Variants in MYBPC3 observed in about 807,000 individuals in gnomAD.
MYBPC3 encodes the protein myosin binding protein C3.
MYBPC3 carries 108 observed loss-of-function variants against 159.3 expected under a neutral mutation model. The observed-to-expected ratio is 0.68, with a 90% CI of 0.58 to 0.80. The LOEUF (loss-of-function observed/expected upper bound fraction) is 0.80, where lower values mean the gene tolerates loss of function less well. Among genes scored for constraint, MYBPC3 ranks in the 30% least tolerant of loss-of-function variants. The pLI is 0.00. For synonymous variants in MYBPC3, 730 were observed against 702.0 expected (o/e 1.04, Z -0.63); for missense variants, 1,631 against 1,762.1 (o/e 0.93, Z 1.33).
At chr11:47,341,841 T>C in intron 18 of MYBPC3, 150 bp downstream of exon 18, 1 of 1,058,468 alleles carries the variant, frequency 9.4e-7, no homozygotes. Context: ...TCTCCCTCTC[T>C]GTGGGTCTCT....
In MYBPC3 at chr11:47,352,477, G is replaced by A. The variant is rs561395961; in HGVS notation, c.25+146C>T. 1.2e-4 allele frequency: 113 copies of A among 981,890 alleles called. No homozygotes were observed. In the East Asian group the frequency reaches 3.2e-3, roughly 28 times the overall value. 60.8% of individuals were successfully genotyped at this position (981,890 alleles called of 1,614,324 possible). ...AAAAAGAAACCGAGAATCAAAAAAG[G>A]ACCCTGGAGGACTGGCTGCCCCTGT... On this transcript the variant is annotated intron_variant, in intron 1 of 34. Transcript: ENST00000545968.
Position 47,332,898 on chromosome 11 carries a change from A to G in MYBPC3, c.3406T>C (p.Tyr1136His). The G allele has an allele frequency of 6.2e-7, 1 of 1,609,092 alleles. No homozygotes were observed. The highest frequency in any genetic ancestry group is 8.5e-7 in the Non-Finnish European group (1 of 1,178,006). The change falls in exon 31 of 35, where the codon TAC (tyrosine) becomes CAC (histidine). Residue 1136 changes from tyrosine to histidine, a missense_variant. Physicochemically the swap from Tyr to His is moderately conservative, Grantham distance 83. Transcript: ENST00000545968. This position sits in a 1 kb window ranked among gnomAD's most constrained non-coding sequence, Gnocchi z 4.2. Reference protein sequence around the residue: ...VPELIIGNGYYFRVFSQNMVG... With the variant: ...VPELIIGNGYHFRVFSQNMVG... Reference sequence around the variant, plus strand: ...ATATTCTGGCTGAAGACGCGGAAGTAGTAGCCATTGCCAATGATGAGCTCT... The same window carrying G: ...ATATTCTGGCTGAAGACGCGGAAGTGGTAGCCATTGCCAATGATGAGCTCT...
At position 47,348,447 on chromosome 11, in the gene MYBPC3, G is replaced by T; in HGVS notation, c.749C>A (p.Ser250Tyr). 1 of 1,612,824 alleles carries T rather than the reference G, an allele frequency of 6.2e-7. No homozygotes were observed. ...EVSTKDKFDC[S>Y]NFNLTVHEAM... ...ACCGTGGACAGTGAGATTGAAGTTG[G>T]AGCAGTCAAATTTGTCCTTGGTGGA... Residue 250 changes from serine (S) to tyrosine (Y), a missense_variant, in exon 6 of 35, where the codon TCC (serine) becomes TAC (tyrosine). Coordinates refer to ENST00000545968, the MANE Select transcript of MYBPC3 (RefSeq NM_000256.3).
chr11:47,342,671 G>T lies in MYBPC3; in HGVS notation c.1531C>A (p.His511Asn), dbSNP rs2095889971. Residue 511 changes from histidine (H) to asparagine (N), a missense_variant, in exon 17 of 35, where the codon CAC (histidine) becomes AAC (asparagine). His to Asn is a moderately conservative substitution (Grantham distance 68, BLOSUM62 1). Transcript: ENST00000545968. ...AGCATGGCCTCGTTGATGATCAGGT[G>T]GTGTCTCTGCCCGTCCTTCTTGAAC... The part of the protein sequence containing the change: ...YRFKKDGQRH[H>N]LIINEAMLED... 6.2e-7 allele frequency: 1 copy of T among 1,614,030 alleles called. No individual in the cohort carries two copies. The highest frequency in any genetic ancestry group is 8.5e-7 in the Non-Finnish European group (1 of 1,179,890).
Position 47,351,189 on chromosome 11 carries a change from G to A in MYBPC3, c.292+50C>T. 2 of 1,449,120 alleles carry A rather than the reference G, an allele frequency of 1.4e-6. No homozygotes were observed. Among genetic ancestry groups the A allele is most frequent in the African/African-American group, 1.4e-5 (1 of 70,636 alleles). 89.8% of individuals were successfully genotyped at this position (1,449,120 alleles called of 1,614,324 possible). The stretch of plus-strand genomic sequence containing the variant: ...TGGATGGATGGAGAGTCGCTGGGCT[G>A]CCCCTCCCCCAGCAGCCCAAACCTC... On this transcript the variant is annotated intron_variant, in intron 2 of 34. Transcript: ENST00000545968. The surrounding 1 kb of genome is among the most constrained non-coding windows in gnomAD (Gnocchi z 4.2).
At chr11:47,336,725 G>A (rs531591309) in intron 25 of MYBPC3, among the ~76,000 whole-genome samples, 3 of 152,152 alleles carry the variant, frequency 2.0e-5, no homozygotes, top group Non-Finnish European at 2.9e-5. Flanking sequence ...AGCTGCCCCC[G>A]GACTCACCCA....
chr11:47,332,182 A>G lies in MYBPC3; in HGVS notation c.3704T>C (p.Val1235Ala), dbSNP rs2095877788. ...ARFRMFSKQG[V>A]LTLEIRKPCP... ...GGGCTTTCTAATCTCCAGAGTCAAC[A>G]CTCCCTGCTTGCTGAACATGCGGAA... The change falls in exon 33 of 35, where the codon GTG becomes GCG. Residue 1235 changes from valine to alanine, a missense_variant. Physicochemically the swap from Val to Ala is moderately conservative, Grantham distance 64. Transcript: ENST00000545968. This position sits in a 1 kb window ranked among gnomAD's most constrained non-coding sequence, Gnocchi z 4.2. 1 of 1,613,456 alleles carries G rather than the reference A, an allele frequency of 6.2e-7. No homozygotes were observed. Among genetic ancestry groups the G allele is most frequent in the Non-Finnish European group, 8.5e-7 (1 of 1,179,870 alleles).
Position 47,337,449 on chromosome 11 carries a change from C to A in MYBPC3, c.2544G>T (p.Ala848=), listed in dbSNP as rs369904619. ...GCCTGGACATGCCGATGGCGTTGAC[C>A]GCGTAGACGCGCATCTCGTACACCA... The part of the protein sequence containing the change: ...EGVVYEMRVY[A]VNAIGMSRPS... Residue 848 remains alanine (A), a synonymous_variant, in exon 25 of 35, where the codon GCG becomes GCT. Coordinates refer to ENST00000545968, the MANE Select transcript of MYBPC3 (RefSeq NM_000256.3). 4 of 1,612,680 alleles carry A rather than the reference C, an allele frequency of 2.5e-6. No homozygotes were observed. The highest frequency in any genetic ancestry group is 2.2e-5 in the South Asian group (2 of 91,068).
Position 47,351,114 on chromosome 11 carries a change from G to T in MYBPC3, c.292+125C>A. On this transcript the variant is annotated intron_variant, in intron 2 of 34. Coordinates refer to ENST00000545968, the MANE Select transcript of MYBPC3 (RefSeq NM_000256.3). This position sits in a 1 kb window ranked among gnomAD's most constrained non-coding sequence, Gnocchi z 4.2. ...AGGGGGAAAGGGCGTTCCTGGCGGGGGGCACAGCCACAGCAAAGGCAAGAA... is the reference window on the plus strand; with the variant it reads ...AGGGGGAAAGGGCGTTCCTGGCGGGTGGCACAGCCACAGCAAAGGCAAGAA... 2 of 1,249,992 alleles carry T rather than the reference G, an allele frequency of 1.6e-6. No individual in the cohort carries two copies. The highest frequency in any genetic ancestry group is 2.1e-6 in the Non-Finnish European group (2 of 936,966). 77.4% of individuals were successfully genotyped at this position (1,249,992 alleles called of 1,614,324 possible).
intron 2 of MYBPC3, 73 bp from the exon 3 acceptor site, chr11:47,350,688 T>C (rs2095899865): frequency 5.0e-6 from 7 of 1,399,004 alleles, no homozygotes; most frequent in Non-Finnish European, 6.5e-6. Flanking sequence ...CTCCTGAGCA[T>C]TGGACCCATG....
intron 12 of MYBPC3, among the ~76,000 whole-genome samples, chr11:47,344,507 A>G (rs969316366): frequency 6.6e-6 from 1 of 152,146 alleles, no homozygotes; most frequent in African/African-American, 2.4e-5. Flanking sequence ...GTGTTTGTAA[A>G]AGCCCATGTT....
At position 47,337,558 on chromosome 11, in the gene MYBPC3, T is replaced by C. The variant is rs786204350; in HGVS notation, c.2435A>G (p.Lys812Arg). The C allele has an allele frequency of 6.2e-7, 1 of 1,613,954 alleles. No homozygotes were observed. Among genetic ancestry groups the C allele is most frequent in the Non-Finnish European group, 8.5e-7 (1 of 1,179,870 alleles). Residue 812 changes from lysine (K) to arginine (R), a missense_variant, in exon 25 of 35, where the codon AAG becomes AGG. Physicochemically the swap from Lys to Arg is conservative, Grantham distance 26. Transcript: ENST00000545968. ...PILGYILERK[K>R]KKSYRWMRLN... ...CCGCATCCACCGGTAGCTCTTCTTC[T>C]TCTTGCGCTCCAGGATGTAGCCTGG...
In MYBPC3 at chr11:47,350,665, C is replaced by T. The variant is rs114012632; in HGVS notation, c.293-50G>A. The T allele has an allele frequency of 2.7e-4, 381 of 1,422,944 alleles. 2 individuals carry two copies. In the African/African-American group the frequency reaches 5.3e-3, roughly 20 times the overall value. 88.1% of individuals were successfully genotyped at this position (1,422,944 alleles called of 1,614,324 possible). A position where few individuals can be genotyped will look rare whatever the true frequency, so the allele number is the denominator to read the frequency against. Reference sequence around the variant, plus strand: ...TGGTGCAGCCACTAACCAGAGACCCCTCCACCCTCTCTCTCCTGAGCATTG... The same window carrying T: ...TGGTGCAGCCACTAACCAGAGACCCTTCCACCCTCTCTCTCCTGAGCATTG... On this transcript the variant is annotated intron_variant, in intron 2 of 34. Transcript: ENST00000545968.
chr11:47,341,097 G>A, intron 19 of MYBPC3, 41 bp downstream of exon 19: 1 of 1,564,174 alleles, frequency 6.4e-7, no homozygotes, highest in Non-Finnish European at 8.7e-7. Flanking sequence ...GGGGCTCCTG[G>A]CCCCACTGCC....
intron 22 of MYBPC3, among the ~76,000 whole-genome samples, chr11:47,339,116 G>T (rs1394065584): frequency 6.6e-6 from 1 of 152,170 alleles, no homozygotes; most frequent in Non-Finnish European, 1.5e-5. Flanking sequence ...GCAATGAGAG[G>T]GTGTCCACAT....
chr11:47,339,871 C>T, intron 20 of MYBPC3, 81 bp from the exon 21 acceptor site: 1 of 1,466,902 alleles, frequency 6.8e-7, no homozygotes, highest in South Asian at 1.3e-5. Flanking sequence ...GCTCAAGAGC[C>T]TGGGCCCCTG....
intron 12 of MYBPC3, 89 bp from the exon 13 acceptor site, chr11:47,343,713 T>TC (rs1249646152): frequency 5.9e-6 from 8 of 1,350,676 alleles, no homozygotes; most frequent in Admixed American, 2.7e-5. Context: ...GGGGCCCAGG[T>TC]CCCCCCCTCC....
intron 5 of MYBPC3, among the ~76,000 whole-genome samples, chr11:47,349,233 GA>G (rs1377000179): frequency 6.6e-6 from 1 of 151,832 alleles, no homozygotes. Flanking sequence ...GGGCAGGGCG[GA>G]AAAAAACAAA....
Position 47,349,799 on chromosome 11 carries a change from T to C in MYBPC3, c.629A>G (p.His210Arg). 6.2e-7 allele frequency: 1 copy of C among 1,608,974 alleles called. No homozygotes were observed. Among genetic ancestry groups the C allele is most frequent in the South Asian group, 1.1e-5 (1 of 90,900 alleles). ...CTTGCTGGCGCGGTCGTAGCTGTCG[T>C]GCAGCTGCAGGTGCTGGCCCACCTT... ...SSKVGQHLQL[H>R]DSYDRASKVY... The change falls in exon 5 of 35, where the codon CAC (histidine) becomes CGC (arginine). Residue 210 changes from histidine to arginine, a missense_variant. Physicochemically the swap from His to Arg is conservative, Grantham distance 29 (BLOSUM62 0). Transcript: ENST00000545968.
Sources: allele counts gnomAD v4.1 joint callset (sites outside exome capture counted in the v4.1 genomes callset), GRCh38; gene constraint gnomAD v4.1.1; non-coding constraint Gnocchi (gnomAD v3.1); transcripts MANE v1.5; gene names NCBI Gene and HGNC (gene_info 2026-07-23, HGNC 2026-07-21).